The following HDAC9 variants were observed in gnomAD, a reference collection of about 807,000 sequenced individuals.
HDAC9 encodes the protein histone deacetylase 9, also known as MEF-2 interacting transcription repressor (MITR) protein.
Under a neutral mutation model 139.4 loss-of-function variants are expected in HDAC9, and 41 were observed. That is an observed-to-expected ratio of 0.29 (90% CI 0.23 to 0.38). The LOEUF (loss-of-function observed/expected upper bound fraction) is 0.38. Among genes scored for constraint, HDAC9 ranks in the 10% least tolerant of loss-of-function variants. The probability of loss-of-function intolerance (pLI) is 1.00; values close to 1 mark genes in which losing one functional copy is unlikely to be tolerated. For synonymous variants in HDAC9, 517 were observed against 476.2 expected (o/e 1.09, Z -1.12); for missense variants, 1,147 against 1,297.0 (o/e 0.88, Z 1.78).
chr7:18,688,806 G>A (rs1184892640), intron 12 of HDAC9, among the ~76,000 whole-genome samples: 1 of 151,866 alleles, frequency 6.6e-6, no homozygotes, highest in Non-Finnish European at 1.5e-5. Flanking sequence ...AAGTCAAAAT[G>A]ACAAGGACCC....
At chr7:18,247,039 G>C (rs751693796) in intron 2 of HDAC9, among the ~76,000 whole-genome samples, 1 of 152,054 alleles carries the variant, frequency 6.6e-6, no homozygotes, top group South Asian at 2.1e-4. Flanking sequence ...AACTGAGACA[G>C]GGAAGCTATG....
chr7:18,096,883 TTGTGTGTGTGTG>T (rs59590063), intron 1 of HDAC9, among the ~76,000 whole-genome samples: 2,238 of 145,324 alleles, frequency 0.015, 56 homozygotes, highest in African/African-American at 0.054. Flanking sequence ...CTTGTTGGCT[TTGTGTGTGTGTG>T]TGTGTGTGTG....
chr7:18,683,921 C>A (rs1406623958), intron 12 of HDAC9, among the ~76,000 whole-genome samples: 1 of 151,914 alleles, frequency 6.6e-6, no homozygotes, highest in Non-Finnish European at 1.5e-5. Context: ...CTCATGAAGA[C>A]CAGAAAACAA....
chr7:18,328,422 A>G (rs1018157106), intron 1 of HDAC9, among the ~76,000 whole-genome samples: 3 of 151,956 alleles, frequency 2.0e-5, no homozygotes, highest in African/African-American at 7.2e-5. Context: ...ATATTAGTGT[A>G]TAACCAAAAT....
chr7:18,530,876 T>TA (rs1226421418), intron 2 of HDAC9, among the ~76,000 whole-genome samples: 2 of 151,288 alleles, frequency 1.3e-5, no homozygotes, highest in East Asian at 1.9e-4. Flanking sequence ...GATACATAGT[T>TA]AAAAAAATCA....
chr7:18,206,426 G>T (rs1422020911), intron 2 of HDAC9, among the ~76,000 whole-genome samples: 1 of 152,090 alleles, frequency 6.6e-6, no homozygotes, highest in Non-Finnish European at 1.5e-5. Context: ...TTACAAATTA[G>T]GTCAGGAGTA....
chr7:18,156,543 T>A (rs1442632815), intron 1 of HDAC9, among the ~76,000 whole-genome samples: 3 of 152,212 alleles, frequency 2.0e-5, no homozygotes, highest in Non-Finnish European at 2.9e-5. Flanking sequence ...GTCAAGTTCT[T>A]ACTGCCTGCT....
chr7:18,903,341 C>G (rs1801905706), intron 22 of HDAC9, among the ~76,000 whole-genome samples: 1 of 152,214 alleles, frequency 6.6e-6, no homozygotes, highest in Non-Finnish European at 1.5e-5. Context: ...ACGTAAAATA[C>G]TTGTGTGGCG....
At chr7:18,429,026 T>A (rs886897292) in intron 1 of HDAC9, 1 of 152,204 alleles carries the variant, frequency 6.6e-6, no homozygotes, top group Admixed American at 6.6e-5. Flanking sequence ...CTGTAGAAAA[T>A]AGCAATCCTA....
At chr7:18,507,593 C>G (rs1428700989) in intron 2 of HDAC9, among the ~76,000 whole-genome samples, 1 of 151,986 alleles carries the variant, frequency 6.6e-6, no homozygotes, top group Middle Eastern at 3.2e-3. Flanking sequence ...CTCCCGGGTT[C>G]AAGCTATTCT....
chr7:18,490,610 A>G (rs981250481), intron 1 of HDAC9, among the ~76,000 whole-genome samples: 1 of 151,968 alleles, frequency 6.6e-6, no homozygotes, highest in African/African-American at 2.4e-5. Context: ...TTAATTGAGT[A>G]TCCCTTATTC....
At chr7:18,369,819 A>G (rs1474743828) in intron 1 of HDAC9, among the ~76,000 whole-genome samples, 1 of 152,074 alleles carries the variant, frequency 6.6e-6, no homozygotes, top group African/African-American at 2.4e-5. Context: ...CCCTGCCATC[A>G]TCTCCAAATG....
At chr7:18,938,144 GAGCAATT>G (rs1219609189) in intron 23 of HDAC9, among the ~76,000 whole-genome samples, 2 of 144,894 alleles carry the variant, frequency 1.4e-5, no homozygotes, top group East Asian at 4.2e-4. Context: ...TGCTTTTGTA[GAGCAATT>G]AGTGACTTTA....
intron 1 of HDAC9, among the ~76,000 whole-genome samples, chr7:18,307,534 G>A (rs1371667669): frequency 1.3e-5 from 2 of 152,156 alleles, no homozygotes; most frequent in Non-Finnish European, 2.9e-5. Context: ...CTGGTGCCAT[G>A]GCTCACGCTT....
intron 6 of HDAC9, among the ~76,000 whole-genome samples, chr7:18,624,665 C>T (rs1376182120): frequency 6.6e-6 from 1 of 151,988 alleles, no homozygotes; most frequent in African/African-American, 2.4e-5. Context: ...AAATCTTCAG[C>T]CTTTGGGGAG....
intron 21 of HDAC9, among the ~76,000 whole-genome samples, chr7:18,866,496 G>T (rs73320031): frequency 1.3e-5 from 2 of 152,010 alleles, no homozygotes; most frequent in African/African-American, 4.8e-5. Context: ...CTGTCCCTCA[G>T]TACACTGTGT....
At chr7:18,980,063 G>C (rs1784799324) in intron 25 of HDAC9, among the ~76,000 whole-genome samples, 1 of 152,026 alleles carries the variant, frequency 6.6e-6, no homozygotes, top group South Asian at 2.1e-4. Context: ...GTGAGATTTG[G>C]AAGCTCCTGG....
chr7:18,372,111 C>T (rs1784638339), intron 1 of HDAC9, among the ~76,000 whole-genome samples: 1 of 152,320 alleles, frequency 6.6e-6, no homozygotes, highest in East Asian at 1.9e-4. Context: ...AGGTAACTCA[C>T]ATTCAACAAA....
intron 1 of HDAC9, among the ~76,000 whole-genome samples, chr7:18,118,610 A>G (rs1406406319): frequency 2.0e-5 from 3 of 152,188 alleles, no homozygotes; most frequent in Admixed American, 1.3e-4. Context: ...GACATTCACC[A>G]TGTGCTAGGA....
Sources: allele counts gnomAD v4.1 joint callset (sites outside exome capture counted in the v4.1 genomes callset), GRCh38; gene constraint gnomAD v4.1.1; transcripts MANE v1.5; gene names NCBI Gene and HGNC (gene_info 2026-07-23, HGNC 2026-07-21).